LRMDA: variants seen among roughly 807,000 people sequenced by gnomAD.
LRMDA encodes the protein leucine-rich melanocyte differentiation-associated protein.
Under a neutral mutation model 29.8 loss-of-function variants are expected in LRMDA, and 18 were observed. The observed-to-expected ratio is 0.60, with a 90% CI of 0.42 to 0.90. The LOEUF is 0.90. LRMDA is among the 40% of genes least tolerant of loss of function. LRMDA has a pLI of 0.00. For synonymous variants in LRMDA, 125 were observed against 109.4 expected (o/e 1.14, Z -0.89); for missense variants, 273 against 273.9 (o/e 1.00, Z 0.02).
intron 2 of LRMDA, among the ~76,000 whole-genome samples, chr10:75,924,383 C>A (rs1173971368): frequency 6.6e-6 from 1 of 151,978 alleles, no homozygotes; most frequent in Non-Finnish European, 1.5e-5. Context: ...CATGCAAGCC[C>A]CATAAAAAAG....
At position 76,445,149 on chromosome 10, in the gene LRMDA, T is replaced by C. The variant is rs189880365; in HGVS notation, c.602-112060T>C. Reference sequence around the variant, plus strand: ...AGCTGTTAACTATCCCAGGAATGCCTACCCTTCTCCATGATTTGGTAGCTG... The same window carrying C: ...AGCTGTTAACTATCCCAGGAATGCCCACCCTTCTCCATGATTTGGTAGCTG... On this transcript the variant is annotated intron_variant, in intron 6 of 6. Coordinates refer to ENST00000611255, the MANE Select transcript of LRMDA (RefSeq NM_001305581.2). Among the ~76,000 whole-genome samples, 472 of 152,288 alleles carry C rather than the reference T, an allele frequency of 3.1e-3. 3 individuals are homozygous for C. Among genetic ancestry groups the C allele is most frequent in the African/African-American group, 0.011 (444 of 41,574 alleles).
intron 6 of LRMDA, among the ~76,000 whole-genome samples, chr10:76,437,976 C>A (rs1292099509): frequency 6.6e-6 from 1 of 152,176 alleles, no homozygotes. Context: ...TGACTTATCG[C>A]AAGTCACTCA....
chr10:75,561,623 AG>A (rs1840296415), intron 2 of LRMDA, among the ~76,000 whole-genome samples: 1 of 150,810 alleles, frequency 6.6e-6, no homozygotes, highest in Non-Finnish European at 1.5e-5. Flanking sequence ...TTGTGATGTT[AG>A]GGTGTCAATT....
intron 2 of LRMDA, chr10:75,552,675 T>C (rs1044680587): frequency 8.8e-6 from 3 of 342,072 alleles, no homozygotes; most frequent in Non-Finnish European, 1.8e-5. Context: ...TTCTGCTTCC[T>C]TTTCTCTCTC....
chr10:75,493,268 G>A (rs1417563877), intron 2 of LRMDA, among the ~76,000 whole-genome samples: 2 of 151,872 alleles, frequency 1.3e-5, no homozygotes, highest in Non-Finnish European at 2.9e-5. Flanking sequence ...GTTTTCCTAG[G>A]TTGGGAAGTG....
chr10:76,441,286 T>G (rs1842299777), intron 6 of LRMDA, among the ~76,000 whole-genome samples: 1 of 152,232 alleles, frequency 6.6e-6, no homozygotes, highest in Non-Finnish European at 1.5e-5. Context: ...CACTTCTCCA[T>G]TTCTCTGAGC....
chr10:76,557,034 C>T (rs1353084227), intron 6 of LRMDA, among the ~76,000 whole-genome samples, 175 bp from the exon 7 acceptor site: 1 of 152,162 alleles, frequency 6.6e-6, no homozygotes, highest in African/African-American at 2.4e-5. Context: ...CTGAGGTTGA[C>T]AGAATCTTCT....
intron 2 of LRMDA, among the ~76,000 whole-genome samples, chr10:75,641,825 AT>A (rs1038347731): frequency 1.4e-4 from 21 of 152,294 alleles, no homozygotes; most frequent in African/African-American, 5.1e-4. Context: ...AGGTGGGAGA[AT>A]TACTGAACCT....
At chr10:75,768,416 G>A (rs1175384217) in intron 2 of LRMDA, among the ~76,000 whole-genome samples, 1 of 152,170 alleles carries the variant, frequency 6.6e-6, no homozygotes, top group Non-Finnish European at 1.5e-5. Flanking sequence ...TATGGGTAAG[G>A]GAACTTTCAG....
rs115772205 is a variant in LRMDA, at chr10:75,836,174, C to T, written c.132-199834C>T. On this transcript the variant is annotated intron_variant, in intron 2 of 6. Transcript: ENST00000611255. The stretch of plus-strand genomic sequence containing the variant: ...AGGATGGGAAGGTTTTCCGAAGGTC[C>T]GTGTCTCCAGTAGGAGAAAGCAGGT... Among the ~76,000 whole-genome samples the T allele has an allele frequency of 8.5e-4, 130 of 152,248 alleles. 1 individual carries two copies. The highest frequency in any genetic ancestry group is 3.0e-3 in the African/African-American group (123 of 41,556).
intron 5 of LRMDA, among the ~76,000 whole-genome samples, chr10:76,167,798 A>G (rs11001655): frequency 0.16 from 24,687 of 152,100 alleles, 2,749 homozygotes; most frequent in East Asian, 0.52. Flanking sequence ...ACTAATGTCA[A>G]TGGTAGTTTA....
chr10:76,343,261 A>C (rs1352858578), intron 6 of LRMDA, among the ~76,000 whole-genome samples: 1 of 152,240 alleles, frequency 6.6e-6, no homozygotes, highest in Admixed American at 6.5e-5. Flanking sequence ...TGTGAAGTAC[A>C]TAAGGCCTTT....
chr10:76,466,981 T>C (rs1455112884), intron 6 of LRMDA, among the ~76,000 whole-genome samples: 1 of 152,200 alleles, frequency 6.6e-6, no homozygotes, highest in Non-Finnish European at 1.5e-5. Flanking sequence ...GGATGTATCA[T>C]CACTTACTTA....
rs569796149 is a variant in LRMDA, at chr10:75,588,017, A to G, written c.131+149523A>G. On this transcript the variant is annotated intron_variant, in intron 2 of 6. Coordinates refer to ENST00000611255, the MANE Select transcript of LRMDA (RefSeq NM_001305581.2). ...ACTGAATGCTGGATAAAGAGAAATG[A>G]TAAAGGATTCTTGCTTATATTTTCT... Among the ~76,000 whole-genome samples the G allele has an allele frequency of 2.6e-4, 39 of 152,320 alleles. 1 individual carries two copies. In the South Asian group the frequency reaches 8.1e-3, roughly 32 times the overall value.
intron 5 of LRMDA, among the ~76,000 whole-genome samples, chr10:76,068,486 C>T (rs1264742798): frequency 1.3e-5 from 2 of 152,158 alleles, no homozygotes; most frequent in African/African-American, 2.4e-5. Context: ...GCATTAGATT[C>T]TCATAAGGAG....
At chr10:75,439,523 A>G (rs1844303052) in intron 2 of LRMDA, among the ~76,000 whole-genome samples, 1 of 152,226 alleles carries the variant, frequency 6.6e-6, no homozygotes, top group Non-Finnish European at 1.5e-5. Context: ...ACTCAGGGTA[A>G]TAAGGCACGA....
intron 2 of LRMDA, among the ~76,000 whole-genome samples, chr10:76,009,471 G>T (rs1274104910): frequency 6.6e-6 from 1 of 152,200 alleles, no homozygotes; most frequent in African/African-American, 2.4e-5. Context: ...TAAAAAAGAA[G>T]TGTTGGGATT....
intron 2 of LRMDA, among the ~76,000 whole-genome samples, chr10:75,461,022 G>A (rs1366897793): frequency 6.6e-6 from 1 of 152,126 alleles, no homozygotes; most frequent in African/African-American, 2.4e-5. Context: ...CCTCGTAAGG[G>A]AAAATAAATA....
At chr10:76,315,711 C>T (rs1267281346) in intron 5 of LRMDA, among the ~76,000 whole-genome samples, 3 of 152,130 alleles carry the variant, frequency 2.0e-5, no homozygotes, top group Non-Finnish European at 2.9e-5. Flanking sequence ...GGTCCCTGGG[C>T]GGAAGGGGGT....
Sources: gnomAD v4.1 joint callset for allele counts (sites outside exome capture counted in the v4.1 genomes callset) on GRCh38, gnomAD v4.1.1 for gene constraint, MANE v1.5 for transcripts, NCBI Gene and HGNC (gene_info 2026-07-23, HGNC 2026-07-21) for gene names.